Variants in AATF observed in about 807,000 individuals in gnomAD.
AATF encodes apoptosis antagonizing transcription factor.
A neutral mutation model predicts 63.7 loss-of-function variants in AATF; 48 were observed. The ratio of observed to expected loss-of-function variants is 0.75; its 90% CI spans 0.60 to 0.96. AATF has a LOEUF of 0.96. Ranked by LOEUF, AATF falls within the 40% of genes least tolerant of loss-of-function variation. AATF has a pLI of 0.00. For synonymous variants in AATF, 258 were observed against 247.7 expected (o/e 1.04, Z -0.39); for missense variants, 639 against 685.7 (o/e 0.93, Z 0.76).
intron 5 of AATF, among the ~76,000 whole-genome samples, chr17:36,987,431 A>G (rs1421152014): frequency 6.6e-6 from 1 of 152,212 alleles, no homozygotes; most frequent in African/African-American, 2.4e-5. Context: ...ATTTCAGAAA[A>G]CAGCAAAATA....
In AATF at chr17:36,953,129, A is replaced by G; in HGVS notation, c.527A>G (p.Glu176Gly). ...DLGSSEEEEDEESGMEEGDDA... is the reference protein window; with the variant it reads ...DLGSSEEEEDGESGMEEGDDA... Reference sequence around the variant, plus strand: ...GGGAGCAGTGAGGAGGAGGAAGACGAAGAGAGTGGCATGGAAGAAGGGGAT... The same window carrying G: ...GGGAGCAGTGAGGAGGAGGAAGACGGAGAGAGTGGCATGGAAGAAGGGGAT... Residue 176 changes from glutamate to glycine, a missense_variant, in exon 3 of 12, where the codon GAA becomes GGA. Coordinates refer to ENST00000619387, the MANE Select transcript of AATF (RefSeq NM_012138.4). 1.9e-6 allele frequency: 3 copies of G among 1,614,148 alleles called. No homozygotes were observed. The highest frequency in any genetic ancestry group is 2.5e-6 in the Non-Finnish European group (3 of 1,180,018).
intron 8 of AATF, among the ~76,000 whole-genome samples, chr17:36,991,928 C>T (rs1464033927): frequency 6.6e-6 from 1 of 152,122 alleles, no homozygotes; most frequent in African/African-American, 2.4e-5. Flanking sequence ...TGGCTGTACC[C>T]TTTCTAGCTT....
At chr17:36,952,310 A>G (rs1477017066) in intron 2 of AATF, among the ~76,000 whole-genome samples, 4 of 152,244 alleles carry the variant, frequency 2.6e-5, no homozygotes, top group Admixed American at 2.6e-4. Flanking sequence ...ATTGGCATGC[A>G]TATCTACCAC....
chr17:36,987,507 T>G (rs868803690), intron 5 of AATF, among the ~76,000 whole-genome samples: 12 of 152,238 alleles, frequency 7.9e-5, no homozygotes, highest in African/African-American at 2.9e-4. Flanking sequence ...TTACACCTGC[T>G]GTATATACCT....
chr17:36,967,066 G>GT (rs1323208320), intron 4 of AATF, among the ~76,000 whole-genome samples: 2 of 151,752 alleles, frequency 1.3e-5, no homozygotes, highest in Non-Finnish European at 2.9e-5. Flanking sequence ...ATCTTTTTTT[G>GT]TTTTTTGTTT....
intron 2 of AATF, among the ~76,000 whole-genome samples, chr17:36,951,761 T>G (rs1046025691): frequency 2.0e-5 from 3 of 152,252 alleles, no homozygotes; most frequent in African/African-American, 7.2e-5. Flanking sequence ...TAATTTCTGT[T>G]TACTGTTTTG....
At chr17:36,965,886 T>G (rs1209866736) in intron 4 of AATF, among the ~76,000 whole-genome samples, 1 of 151,952 alleles carries the variant, frequency 6.6e-6, no homozygotes, top group Admixed American at 6.6e-5. Flanking sequence ...TTTTTTCTTT[T>G]TTATAGAGAT....
intron 10 of AATF, among the ~76,000 whole-genome samples, chr17:37,027,179 TATTG>T (rs1321304405): frequency 2.6e-5 from 4 of 152,154 alleles, no homozygotes; most frequent in Non-Finnish European, 5.9e-5. Flanking sequence ...TAATTATAAT[TATTG>T]ATTGTCAGTA....
intron 8 of AATF, among the ~76,000 whole-genome samples, chr17:36,998,361 G>C (rs1427734859): frequency 2.0e-5 from 3 of 152,174 alleles, no homozygotes; most frequent in Admixed American, 6.5e-5. Context: ...GTACATGACT[G>C]TTGTAAGATT....
At chr17:37,032,809 C>T (rs371768941) in intron 11 of AATF, among the ~76,000 whole-genome samples, 22 of 151,976 alleles carry the variant, frequency 1.4e-4, no homozygotes, top group South Asian at 8.3e-4. Flanking sequence ...TTTTCAATGA[C>T]GAAATAATAT....
intron 2 of AATF, 105 bp downstream of exon 2, chr17:36,950,510 T>C: frequency 8.4e-7 from 1 of 1,188,804 alleles, no homozygotes; most frequent in Non-Finnish European, 1.2e-6. Context: ...CTGCGGATCT[T>C]TTTTTTGAGA....
At chr17:37,014,153 T>C (rs993730373) in intron 8 of AATF, among the ~76,000 whole-genome samples, 2 of 152,132 alleles carry the variant, frequency 1.3e-5, no homozygotes, top group African/African-American at 4.8e-5. Context: ...GAAAAATGCA[T>C]TTATGTAACT....
chr17:37,004,482 G>A (rs985325963), intron 8 of AATF, among the ~76,000 whole-genome samples: 3 of 152,146 alleles, frequency 2.0e-5, no homozygotes, highest in Admixed American at 6.5e-5. Context: ...TATGTTGATG[G>A]AAATGATCCC....
chr17:36,953,854 T>A lies in AATF; in HGVS notation c.779T>A (p.Phe260Tyr). The change falls in exon 4 of 12, where the codon TTC (phenylalanine) becomes TAC (tyrosine). Residue 260 changes from phenylalanine to tyrosine, a missense_variant. Coordinates refer to ENST00000619387, the MANE Select transcript of AATF (RefSeq NM_012138.4). ...AACCAGCTTCCTCAACCAGATGTTT[T>A]CCCATTGTTCAAGGACAAAGGTGGC... is the stretch of plus-strand genomic sequence containing the variant. ...TTNQLPQPDVFPLFKDKGGPE... is the reference protein window; with the variant it reads ...TTNQLPQPDVYPLFKDKGGPE... The A allele has an allele frequency of 6.2e-7, 1 of 1,614,170 alleles. No homozygotes were observed. Among genetic ancestry groups the A allele is most frequent in the Non-Finnish European group, 8.5e-7 (1 of 1,180,036 alleles).
intron 4 of AATF, among the ~76,000 whole-genome samples, chr17:36,974,798 C>A (rs916989311): frequency 1.1e-4 from 17 of 152,206 alleles, no homozygotes; most frequent in African/African-American, 3.9e-4. Flanking sequence ...GTGAATCAAA[C>A]AGGGAAAATT....
chr17:36,975,108 C>T (rs572425566), intron 4 of AATF, among the ~76,000 whole-genome samples: 5 of 152,118 alleles, frequency 3.3e-5, no homozygotes, highest in Admixed American at 2.0e-4. Context: ...TTTTCCCACT[C>T]GTAAAAGTGT....
intron 4 of AATF, among the ~76,000 whole-genome samples, chr17:36,981,896 G>GT (rs1306290316): frequency 4.6e-5 from 7 of 151,816 alleles, no homozygotes; most frequent in Non-Finnish European, 1.0e-4. Flanking sequence ...CCATTTTTAA[G>GT]TGTACAGTTT....
chr17:36,954,017 C>A, intron 4 of AATF, 110 bp downstream of exon 4: 12 of 1,079,996 alleles, frequency 1.1e-5, no homozygotes, highest in Non-Finnish European at 1.2e-5. Flanking sequence ...GCTTTCTTCT[C>A]ATCTGCCCTT....
intron 9 of AATF, among the ~76,000 whole-genome samples, chr17:37,019,509 C>T (rs753427485): frequency 1.3e-5 from 2 of 152,186 alleles, no homozygotes; most frequent in Non-Finnish European, 2.9e-5. Flanking sequence ...TCAGTAAAAG[C>T]TTCAGCACAA....
Sources: gnomAD v4.1 joint callset for allele counts (sites outside exome capture counted in the v4.1 genomes callset) on GRCh38, gnomAD v4.1.1 for gene constraint, MANE v1.5 for transcripts, NCBI Gene and HGNC (gene_info 2026-07-23, HGNC 2026-07-21) for gene names.